PDE1A: variants seen among roughly 807,000 people sequenced by gnomAD.
PDE1A encodes the protein dual specificity calcium/calmodulin-dependent 3',5'-cyclic nucleotide phosphodiesterase 1A.
Under a neutral mutation model 61.7 loss-of-function variants are expected in PDE1A, and 35 were observed. That is an observed-to-expected ratio of 0.57 (90% CI 0.43 to 0.75). PDE1A has a LOEUF of 0.75. Among genes scored for constraint, PDE1A ranks in the 30% least tolerant of loss-of-function variants. The probability of loss-of-function intolerance (pLI) is 0.00; values close to 1 mark genes in which losing one functional copy is unlikely to be tolerated. For missense variants in PDE1A, 597 were observed against 630.6 expected (o/e 0.95, Z 0.57); for synonymous variants, 232 against 213.2 (o/e 1.09, Z -0.77).
At chr2:182,568,831 T>C in the PDE1A span, among the ~76,000 whole-genome samples, 3 of 152,116 alleles carry the variant, frequency 2.0e-5, no homozygotes, top group Admixed American at 6.6e-5. Context: ...AAATCACATA[T>C]GTGATCATAT....
the PDE1A span, among the ~76,000 whole-genome samples, chr2:182,663,772 T>C: frequency 6.6e-6 from 1 of 151,878 alleles, no homozygotes; most frequent in Non-Finnish European, 1.5e-5. Flanking sequence ...CAAACCCGCA[T>C]GACACAAGTT....
At chr2:182,242,106 C>T (rs1690562678) in intron 2 of PDE1A, 3 of 1,263,096 alleles carry the variant, frequency 2.4e-6, no homozygotes, top group Non-Finnish European at 2.0e-6. Context: ...CATTCCACTG[C>T]AGCCTAGTTT....
At chr2:182,167,634 G>A (rs1385652892), downstream of PDE1A, among the ~76,000 whole-genome samples, 2 of 151,930 alleles carry the variant, frequency 1.3e-5, no homozygotes, top group Admixed American at 1.3e-4. Context: ...AGCATCTTTG[G>A]TACACACTGG....
At chr2:182,367,752 T>G (rs1356039453) in intron 1 of PDE1A, among the ~76,000 whole-genome samples, 2 of 152,104 alleles carry the variant, frequency 1.3e-5, no homozygotes, top group Non-Finnish European at 2.9e-5. Context: ...TATTTTGCCA[T>G]GCACAGATGC....
chr2:182,343,800 T>G (rs572743668), intron 1 of PDE1A, among the ~76,000 whole-genome samples: 1 of 152,100 alleles, frequency 6.6e-6, no homozygotes, highest in Non-Finnish European at 1.5e-5. Context: ...CCATATTTTA[T>G]CTCTGTCAAG....
chr2:182,204,510 C>T (rs1686934866), intron 8 of PDE1A, among the ~76,000 whole-genome samples: 1 of 152,076 alleles, frequency 6.6e-6, no homozygotes, highest in Non-Finnish European at 1.5e-5. Flanking sequence ...TCAGCCCACT[C>T]CACATAAAGA....
chr2:182,396,023 C>T (rs13028649), intron 1 of PDE1A, among the ~76,000 whole-genome samples: 11,541 of 152,202 alleles, frequency 0.076, 538 homozygotes, highest in Non-Finnish European at 0.1. Flanking sequence ...GTGGTATATA[C>T]GCGATCAGGC....
chr2:182,564,841 G>A, the PDE1A span, among the ~76,000 whole-genome samples: 25 of 151,938 alleles, frequency 1.6e-4, 1 homozygote, highest in Admixed American at 1.2e-3. Context: ...CCAGTTGATC[G>A]CATCGGCTCC....
At chr2:182,251,533 T>C (rs1216042929) in intron 2 of PDE1A, among the ~76,000 whole-genome samples, 3 of 152,214 alleles carry the variant, frequency 2.0e-5, no homozygotes, top group Non-Finnish European at 4.4e-5. Context: ...GTAAGACCTA[T>C]TGAATCAGAA....
At chr2:182,325,835 C>T (rs1426807337) in intron 1 of PDE1A, among the ~76,000 whole-genome samples, 1 of 152,128 alleles carries the variant, frequency 6.6e-6, no homozygotes, top group Admixed American at 6.6e-5. Context: ...AGGAGAATTG[C>T]TTGAACCCAG....
chr2:182,363,267 A>G (rs1699618008), intron 1 of PDE1A, among the ~76,000 whole-genome samples: 1 of 152,072 alleles, frequency 6.6e-6, no homozygotes, highest in African/African-American at 2.4e-5. Flanking sequence ...TTAGTAACTA[A>G]TAACATGCAT....
At position 182,473,209 on chromosome 2, in the gene PDE1A, C is replaced by T. The variant is rs534824804; in HGVS notation, c.101+49067G>A. Reference sequence around the variant, plus strand: ...AACCTAGGCATTACCATTCAGGACACAGGCATGGGCAAGGACTTCATGTCT... The same window carrying T: ...AACCTAGGCATTACCATTCAGGACATAGGCATGGGCAAGGACTTCATGTCT... On this transcript the variant is annotated intron_variant, in intron 2 of 14. Transcript: ENST00000410103. Among the ~76,000 whole-genome samples, 9 of 151,888 alleles carry T rather than the reference C, an allele frequency of 5.9e-5. No homozygotes were observed. The Middle Eastern group carries it at 0.014, about 230-fold the overall frequency.
chr2:182,288,750 G>A (rs1193504162), intron 1 of PDE1A, among the ~76,000 whole-genome samples: 1 of 152,000 alleles, frequency 6.6e-6, no homozygotes, highest in Non-Finnish European at 1.5e-5. Context: ...TTCTGTGGAT[G>A]ACTATGCTTG....
chr2:182,411,230 G>A lies in PDE1A; in HGVS notation c.53+15348C>T, dbSNP rs764967531. Among the ~76,000 whole-genome samples the A allele has an allele frequency of 2.0e-5, 3 of 151,994 alleles. No individual in the cohort carries two copies. The East Asian group carries it at 5.8e-4, about 29-fold the overall frequency. On this transcript the variant is annotated intron_variant, in intron 1 of 13. Transcript: ENST00000351439. ...AAATCTTTCACTTTTTACTATATTA[G>A]TGTTGTCTGTTGCTGAAACCTAAAA... is the stretch of plus-strand genomic sequence containing the variant.
At chr2:182,162,093 A>G (rs941855509) in intron 13 of PDE1A, among the ~76,000 whole-genome samples, 2 of 152,174 alleles carry the variant, frequency 1.3e-5, no homozygotes, top group Non-Finnish European at 2.9e-5. Context: ...ACCTTTCACT[A>G]ATATTTTAAG....
At chr2:182,623,631 G>A in the PDE1A span, among the ~76,000 whole-genome samples, 1 of 152,280 alleles carries the variant, frequency 6.6e-6, no homozygotes, top group South Asian at 2.1e-4. Flanking sequence ...TAAAGAGAGA[G>A]CCTTAGGAGT....
chr2:182,400,613 C>T (rs1275091036), intron 1 of PDE1A, among the ~76,000 whole-genome samples: 1 of 152,036 alleles, frequency 6.6e-6, no homozygotes, highest in African/African-American at 2.4e-5. Context: ...AACTAAGTAA[C>T]TAAGGGATCA....
chr2:182,147,138 G>A, exon 14 of PDE1A: 1 of 1,597,246 alleles, frequency 6.3e-7, no homozygotes, highest in Non-Finnish European at 8.6e-7. Flanking sequence ...GAGTTCTTAT[G>A]AAGATCAGAT....
At chr2:182,569,253 A>AT in the PDE1A span, among the ~76,000 whole-genome samples, 1 of 98,888 alleles carries the variant, frequency 1.0e-5, no homozygotes, top group African/African-American at 4.6e-5. Context: ...AACCTGTCTC[A>AT]AATATATATA....
Sources: gnomAD v4.1 joint callset for allele counts (sites outside exome capture counted in the v4.1 genomes callset) on GRCh38, gnomAD v4.1.1 for gene constraint, MANE v1.5 for transcripts, NCBI Gene and HGNC (gene_info 2026-07-23, HGNC 2026-07-21) for gene names.